PSD2: variants seen among roughly 807,000 people sequenced by gnomAD.
The protein encoded by PSD2 is pleckstrin and Sec7 domain containing 2.
A neutral mutation model predicts 69.8 loss-of-function variants in PSD2; 38 were observed. The ratio of observed to expected loss-of-function variants is 0.54; its 90% CI spans 0.42 to 0.71. PSD2 has a LOEUF of 0.71. Ranked by LOEUF, PSD2 falls within the 30% of genes least tolerant of loss-of-function variation. The probability of loss-of-function intolerance (pLI) is 0.00; values close to 1 mark genes in which losing one functional copy is unlikely to be tolerated. For missense variants in PSD2, 943 were observed against 1,014.5 expected, an observed-to-expected ratio of 0.93 and a Z score of 0.96; for synonymous variants, 412 against 423.0, an observed-to-expected ratio of 0.97 and a Z score of 0.32.
chr5:139,766,933 CTTTCTTT>C, the PSD2 span, among the ~76,000 whole-genome samples: 1,337 of 50,746 alleles, frequency 0.026, 91 homozygotes, highest in Middle Eastern at 0.057. Context: ...TCCTTCCCTT[CTTTCTTT>C]CTTTCTTTCT....
chr5:139,835,127 C>A (rs1760686155), intron 8 of PSD2, among the ~76,000 whole-genome samples: 2 of 151,766 alleles, frequency 1.3e-5, no homozygotes, highest in South Asian at 4.2e-4. Flanking sequence ...CACTTACCCG[C>A]CAACCCACCC....
At chr5:139,764,639 G>C in the PSD2 span, among the ~76,000 whole-genome samples, 1 of 152,280 alleles carries the variant, frequency 6.6e-6, no homozygotes, top group South Asian at 2.1e-4. Flanking sequence ...GCAGGAGGCC[G>C]AGCCTGGCAG....
chr5:139,757,341 G>C, the PSD2 span, among the ~76,000 whole-genome samples: 1 of 152,184 alleles, frequency 6.6e-6, no homozygotes, highest in Non-Finnish European at 1.5e-5. Flanking sequence ...CCTGTCCTTC[G>C]CCTGCATCTG....
the PSD2 span, among the ~76,000 whole-genome samples, chr5:139,766,828 C>CTTCTCTCTTTCTTTCTTTCT: frequency 2.6e-3 from 228 of 87,756 alleles, 27 homozygotes; most frequent in African/African-American, 4.5e-3. Flanking sequence ...AAGTCCCTTC[C>CTTCTCTCTTTCTTTCTTTCT]TTCTTTCTTT....
At chr5:139,768,534 C>T in the PSD2 span, among the ~76,000 whole-genome samples, 1 of 152,074 alleles carries the variant, frequency 6.6e-6, no homozygotes, top group African/African-American at 2.4e-5. Flanking sequence ...ACTAGCCTGA[C>T]CAACATGGAG....
In PSD2 at chr5:139,817,675, C is replaced by T; in HGVS notation, c.1097+114C>T. 3 of 880,630 alleles carry T rather than the reference C, an allele frequency of 3.4e-6. No individual in the cohort carries two copies. In the South Asian group the frequency reaches 4.7e-5, roughly 14 times the overall value. The allele number at this position is 880,630 out of a possible 1,614,324, so 54.6% of individuals were successfully genotyped here. A position where few individuals can be genotyped will look rare whatever the true frequency, so the allele number is the denominator to read the frequency against. On this transcript the variant is annotated intron_variant, in intron 5 of 14. Coordinates refer to ENST00000274710, the MANE Select transcript of PSD2 (RefSeq NM_032289.4). Reference sequence around the variant, plus strand: ...CAACCTTGGGCAAGTCTTTTGACCCCTGGTGAGGCTGTGGGGAAGGGGCCA... The same window carrying T: ...CAACCTTGGGCAAGTCTTTTGACCCTTGGTGAGGCTGTGGGGAAGGGGCCA...
At chr5:139,794,419 C>T (rs903982102), upstream of PSD2, among the ~76,000 whole-genome samples, 5 of 152,180 alleles carry the variant, frequency 3.3e-5, no homozygotes, top group African/African-American at 9.7e-5. Flanking sequence ...AGGGAGACTA[C>T]GCACAGCTCA....
the PSD2 span, among the ~76,000 whole-genome samples, chr5:139,784,733 T>C: frequency 6.6e-6 from 1 of 152,070 alleles, no homozygotes; most frequent in African/African-American, 2.4e-5. Flanking sequence ...AAATCTCTCC[T>C]GCCATATGTC....
the PSD2 span, among the ~76,000 whole-genome samples, chr5:139,757,602 G>A: frequency 6.6e-6 from 1 of 152,296 alleles, no homozygotes; most frequent in South Asian, 2.1e-4. Flanking sequence ...CCACCCTTGA[G>A]AGGGAGAGAA....
chr5:139,778,595 A>C, the PSD2 span, among the ~76,000 whole-genome samples: 1 of 152,190 alleles, frequency 6.6e-6, no homozygotes, highest in Non-Finnish European at 1.5e-5. Context: ...CCTTGTAGCT[A>C]TATCTTTGCC....
intron 1 of PSD2, among the ~76,000 whole-genome samples, chr5:139,801,184 GACA>G (rs1326691524): frequency 6.8e-6 from 1 of 147,662 alleles, no homozygotes; most frequent in African/African-American, 2.5e-5. Context: ...CAGCCTGGAT[GACA>G]GAGAGAGACT....
chr5:139,811,196 C>T (rs1759951662), intron 2 of PSD2, among the ~76,000 whole-genome samples: 3 of 152,158 alleles, frequency 2.0e-5, no homozygotes, highest in Non-Finnish European at 2.9e-5. Context: ...CATTCTGTGC[C>T]TTTTAGATTT....
the PSD2 span, among the ~76,000 whole-genome samples, chr5:139,775,038 G>C: frequency 2.0e-5 from 3 of 152,120 alleles, no homozygotes; most frequent in Admixed American, 6.5e-5. Context: ...AGTGCCATTG[G>C]CCGCCCCAGC....
chr5:139,772,029 C>T, the PSD2 span, among the ~76,000 whole-genome samples: 1 of 152,192 alleles, frequency 6.6e-6, no homozygotes, highest in Non-Finnish European at 1.5e-5. Context: ...CTCTCCTTGG[C>T]TTGCTCTTAG....
chr5:139,830,565 C>CCTTCCTTCCTTCCTTCCTTCCTTT lies in PSD2; in HGVS notation c.1270-3134_1270-3133insCCTTCCTTCCTTCCTTCCTTTCTT, dbSNP rs1554096354. Among the ~76,000 whole-genome samples, 314 of 120,230 alleles carry CCTTCCTTCCTTCCTTCCTTCCTTT rather than the reference C, an allele frequency of 2.6e-3. 2 individuals carry two copies. The highest frequency in any genetic ancestry group is 8.5e-3 in the African/African-American group (229 of 27,044). 78.9% of individuals were successfully genotyped at this position (120,230 alleles called of 152,430 possible). A position where few individuals can be genotyped will look rare whatever the true frequency, so the allele number is the denominator to read the frequency against. ...TCCTTCCTTCCTTCCTTCCTTCCTT[C>CCTTCCTTCCTTCCTTCCTTCCTTT]CTTTCTTTCTTTCTTTCTTTCTTTC... On this transcript the variant is annotated intron_variant, in intron 7 of 14. Coordinates refer to ENST00000274710, the MANE Select transcript of PSD2 (RefSeq NM_032289.4).
chr5:139,805,604 A>T (rs1759784554), intron 1 of PSD2, among the ~76,000 whole-genome samples: 1 of 152,178 alleles, frequency 6.6e-6, no homozygotes, highest in Non-Finnish European at 1.5e-5. Flanking sequence ...TCACTCCATG[A>T]TGCAGTGCCA....
chr5:139,752,621 T>C, the PSD2 span, among the ~76,000 whole-genome samples: 5 of 151,362 alleles, frequency 3.3e-5, no homozygotes, highest in African/African-American at 7.3e-5. Flanking sequence ...ATGTATACTC[T>C]CCCCCCACCA....
At chr5:139,795,180 T>C (rs985584464), upstream of PSD2, among the ~76,000 whole-genome samples, 1 of 151,732 alleles carries the variant, frequency 6.6e-6, no homozygotes, top group Non-Finnish European at 1.5e-5. The surrounding 1 kb of genome is among the most constrained non-coding windows in gnomAD (Gnocchi z 4.5). Flanking sequence ...CCTCCTCCCA[T>C]CCCACTCTGT....
rs367824149 is a variant in PSD2, at chr5:139,837,753, C to T, written c.1794C>T (p.Ala598=). The stretch of plus-strand genomic sequence containing the variant: ...CCAACGTGCTGAAGCTTAAGACAGC[C>T]GACTGGAGGGTATTCCTCTTCCAGG... ...KKSNVLKLKT[A]DWRVFLFQAP... is the part of the protein sequence containing the mutation. The change falls in exon 12 of 15, where the codon GCC becomes GCT. Residue 598 remains alanine (A), a synonymous_variant. Transcript: ENST00000274710. This position sits in a 1 kb window ranked among gnomAD's most constrained non-coding sequence, Gnocchi z 5.0. 86 of 1,613,078 alleles carry T rather than the reference C, an allele frequency of 5.3e-5. No individual in the cohort carries two copies. Among genetic ancestry groups the T allele is most frequent in the East Asian group, 3.3e-4 (15 of 44,836 alleles).
Sources: allele counts gnomAD v4.1 joint callset (sites outside exome capture counted in the v4.1 genomes callset), GRCh38; gene constraint gnomAD v4.1.1; non-coding constraint Gnocchi (gnomAD v3.1); transcripts MANE v1.5; gene names NCBI Gene and HGNC (gene_info 2026-07-23, HGNC 2026-07-21).